Variants in WDFY4 observed in about 807,000 individuals in gnomAD.
WDFY4 encodes the protein WD repeat- and FYVE domain-containing protein 4.
WDFY4 carries 169 observed loss-of-function variants against 351.9 expected under a neutral mutation model. The observed-to-expected ratio is 0.48, with a 90% CI of 0.42 to 0.55. The LOEUF is 0.55. WDFY4 is among the 20% of genes least tolerant of loss of function. WDFY4 has a pLI of 0.00. For synonymous variants in WDFY4, 1,622 were observed against 1,574.6 expected (o/e 1.03, Z -0.71); for missense variants, 3,803 against 3,935.6 (o/e 0.97, Z 0.90).
At chr10:48,746,489 T>C (rs1409813252) in intron 12 of WDFY4, among the ~76,000 whole-genome samples, 2 of 152,174 alleles carry the variant, frequency 1.3e-5, no homozygotes, top group Admixed American at 6.5e-5. Flanking sequence ...ACCACTTTTG[T>C]TGGTTTTACT....
At chr10:48,941,714 G>A in intron 47 of WDFY4, 92 bp from the exon 48 acceptor site, 2 of 1,327,300 alleles carry the variant, frequency 1.5e-6, no homozygotes, top group Admixed American at 2.0e-5. Flanking sequence ...TGAACACCCT[G>A]GTCCCGTGAA....
At chr10:48,875,014 T>A (rs1403547570) in intron 41 of WDFY4, 75 bp from the exon 42 acceptor site, 2 of 892,310 alleles carry the variant, frequency 2.2e-6, no homozygotes, top group Non-Finnish European at 3.2e-6. Context: ...TTTGTGAATC[T>A]GTGGAATTGG....
intron 37 of WDFY4, among the ~76,000 whole-genome samples, chr10:48,829,970 A>C (rs1037533634): frequency 2.6e-5 from 4 of 152,250 alleles, no homozygotes; most frequent in Non-Finnish European, 4.4e-5. Context: ...ACAGAGGTAC[A>C]TACTTTGGGA....
chr10:48,909,365 A>G (rs1837802173), intron 47 of WDFY4: 1 of 151,778 alleles, frequency 6.6e-6, no homozygotes, highest in South Asian at 2.1e-4. Flanking sequence ...TTAAAATCCT[A>G]CCTTATCTAT....
intron 17 of WDFY4, among the ~76,000 whole-genome samples, chr10:48,777,930 G>A (rs1238642312): frequency 1.3e-5 from 2 of 152,234 alleles, no homozygotes; most frequent in Admixed American, 6.5e-5. Flanking sequence ...GGTGACTGAT[G>A]TAGGCTGAGA....
intron 43 of WDFY4, among the ~76,000 whole-genome samples, chr10:48,881,630 C>T (rs2070253167): frequency 6.6e-6 from 1 of 152,174 alleles, no homozygotes; most frequent in Non-Finnish European, 1.5e-5. Flanking sequence ...AGAAAGCAGG[C>T]CCCAGGAATT....
At chr10:48,698,853 AT>A (rs983795030) in intron 1 of WDFY4, among the ~76,000 whole-genome samples, 1 of 152,206 alleles carries the variant, frequency 6.6e-6, no homozygotes, top group African/African-American at 2.4e-5. Context: ...AGAGACATTT[AT>A]TTTAAGGTAC....
chr10:48,932,244 C>G (rs539635982), intron 47 of WDFY4, among the ~76,000 whole-genome samples: 2 of 152,304 alleles, frequency 1.3e-5, no homozygotes, highest in East Asian at 1.9e-4. Flanking sequence ...GTGGGGAATG[C>G]TGGTGGAGTC....
At chr10:48,705,537 C>T (rs942005555) in intron 1 of WDFY4, among the ~76,000 whole-genome samples, 1 of 152,168 alleles carries the variant, frequency 6.6e-6, no homozygotes, top group Non-Finnish European at 1.5e-5. Context: ...GCCTGCAAGC[C>T]TACTCCCTGT....
Position 48,822,494 on chromosome 10 carries a change from A to G in WDFY4, c.5939A>G (p.Asp1980Gly). 1.3e-6 allele frequency: 2 copies of G among 1,549,074 alleles called. No individual in the cohort carries two copies. Among genetic ancestry groups the G allele is most frequent in the African/African-American group, 2.7e-5 (2 of 73,074 alleles). The change falls in exon 35 of 62, where the codon GAC becomes GGC. Residue 1980 changes from aspartate to glycine, a missense_variant. By Grantham distance (94) the Asp-to-Gly change is moderately conservative (BLOSUM62 -1). This residue lies in a region of WDFY4 where 3,054 missense variants were observed against 3,148.6 expected (regional missense o/e 0.97). Coordinates refer to ENST00000325239, the MANE Select transcript of WDFY4 (RefSeq NM_001394531.1). ...CTGTACAGTGGGATGTTCTCGGCAG[A>G]CCCCAGGCATATCCTCCTCTTCATC... Reference protein sequence around the residue: ...EKLYSGMFSADPRHILLFILE... With the variant: ...EKLYSGMFSAGPRHILLFILE...
chr10:48,876,971 A>C (rs997832217), intron 42 of WDFY4, 62 bp from the exon 43 acceptor site: 1 of 1,423,464 alleles, frequency 7.0e-7, no homozygotes, highest in Non-Finnish European at 9.2e-7. Flanking sequence ...CATGCTGTGC[A>C]CCGGCCCTTA....
At chr10:48,763,900 T>C (rs1775260084) in intron 13 of WDFY4, among the ~76,000 whole-genome samples, 1 of 152,174 alleles carries the variant, frequency 6.6e-6, no homozygotes, top group Non-Finnish European at 1.5e-5. Flanking sequence ...CAACAACAGA[T>C]AGAATAGTGA....
At chr10:48,895,964 C>G (rs80158045) in intron 44 of WDFY4, among the ~76,000 whole-genome samples, 6,805 of 152,278 alleles carry the variant, frequency 0.045, 508 homozygotes, top group African/African-American at 0.16. Context: ...TTCCTTATCA[C>G]CTCTCCAAGA....
At chr10:48,778,071 G>A (rs1565186908) in intron 17 of WDFY4, among the ~76,000 whole-genome samples, 2 of 152,246 alleles carry the variant, frequency 1.3e-5, no homozygotes, top group African/African-American at 4.8e-5. Flanking sequence ...AACACGCTGG[G>A]TGGGACAGTG....
chr10:48,832,570 C>T lies in WDFY4; in HGVS notation c.6527-3C>T. 2 of 1,541,912 alleles carry T rather than the reference C, an allele frequency of 1.3e-6. No individual in the cohort carries two copies. Among genetic ancestry groups the T allele is most frequent in the Non-Finnish European group, 1.8e-6 (2 of 1,140,722 alleles). On this transcript the variant is annotated splice_region_variant and splice_polypyrimidine_tract_variant and intron_variant, in intron 38 of 61. Coordinates refer to ENST00000325239, the MANE Select transcript of WDFY4 (RefSeq NM_001394531.1). ...CTGACATTCTTTGCTTCCCTTCCCT[C>T]AGCATCTGAGAAGAAGTCACTGGCA...
At chr10:48,734,454 G>A (rs2064576716) in intron 10 of WDFY4, among the ~76,000 whole-genome samples, 1 of 151,716 alleles carries the variant, frequency 6.6e-6, no homozygotes, top group African/African-American at 2.4e-5. Context: ...ACTTAGCAAT[G>A]TAATCCATTC....
At chr10:48,697,657 A>T (rs1046697583) in intron 1 of WDFY4, among the ~76,000 whole-genome samples, 1 of 152,212 alleles carries the variant, frequency 6.6e-6, no homozygotes, top group African/African-American at 2.4e-5. Flanking sequence ...CCCTCTAACC[A>T]GAGTGATCAT....
intron 1 of WDFY4, among the ~76,000 whole-genome samples, chr10:48,686,044 C>T (rs1307844718): frequency 1.3e-5 from 2 of 151,958 alleles, no homozygotes; most frequent in Non-Finnish European, 2.9e-5. Context: ...GTTGGTGTGG[C>T]AGAGCCGGGT....
intron 34 of WDFY4, 101 bp from the exon 35 acceptor site, chr10:48,822,279 G>T: frequency 7.8e-7 from 1 of 1,289,900 alleles, no homozygotes. Flanking sequence ...GGGGTACACA[G>T]AGGTGAATAA....
Sources: gnomAD v4.1 joint callset for allele counts (sites outside exome capture counted in the v4.1 genomes callset) on GRCh38, gnomAD v4.1.1 for gene constraint, gnomAD v4.1.1 regional missense constraint, MANE v1.5 for transcripts, NCBI Gene and HGNC (gene_info 2026-07-23, HGNC 2026-07-21) for gene names.